CTDSPL2: variants seen among roughly 807,000 people sequenced by gnomAD.
CTDSPL2 encodes the protein CTD small phosphatase like 2.
Under a neutral mutation model 60.0 loss-of-function variants are expected in CTDSPL2, and 5 were observed. The ratio of observed to expected loss-of-function variants is 0.08; its 90% CI spans 0.04 to 0.18. The LOEUF (loss-of-function observed/expected upper bound fraction) is 0.18, where lower values mean the gene tolerates loss of function less well. Ranked by LOEUF, CTDSPL2 falls within the 10% of genes least tolerant of loss-of-function variation. The pLI, the probability that CTDSPL2 is intolerant of heterozygous loss-of-function variation, is 1.00. For synonymous variants in CTDSPL2, 186 were observed against 189.3 expected, an observed-to-expected ratio of 0.98 and a Z score of 0.14; for missense variants, 370 against 548.8, an observed-to-expected ratio of 0.67 and a Z score of 3.26.
At chr15:44,509,674 C>T (rs1044307946) in intron 8 of CTDSPL2, among the ~76,000 whole-genome samples, 8 of 151,688 alleles carry the variant, frequency 5.3e-5, no homozygotes, top group African/African-American at 1.9e-4. Context: ...TGGCTGGGTG[C>T]GGTGGCTCAT....
chr15:44,489,873 T>C (rs1186673510), intron 4 of CTDSPL2, among the ~76,000 whole-genome samples: 1 of 152,142 alleles, frequency 6.6e-6, no homozygotes, highest in Non-Finnish European at 1.5e-5. Context: ...TTTTGCACAT[T>C]AGTGGAAAAC....
chr15:44,507,713 A>T (rs1295980597), intron 8 of CTDSPL2, among the ~76,000 whole-genome samples: 1 of 152,242 alleles, frequency 6.6e-6, no homozygotes, highest in East Asian at 1.9e-4. Context: ...CTCTTCCAAA[A>T]GTATAGATTT....
chr15:44,431,145 G>T (rs2079849046), intron 1 of CTDSPL2, among the ~76,000 whole-genome samples: 1 of 149,104 alleles, frequency 6.7e-6, no homozygotes, highest in African/African-American at 2.5e-5. Context: ...TTTTTTAATG[G>T]AGACGGGGTC....
At chr15:44,519,363 G>C in intron 11 of CTDSPL2, 68 bp downstream of exon 11, 1 of 1,224,840 alleles carries the variant, frequency 8.2e-7, no homozygotes, top group Non-Finnish European at 1.1e-6. Flanking sequence ...CTGCCAAACA[G>C]AATATGATGG....
chr15:44,525,761 T>A lies in CTDSPL2; in HGVS notation c.*1587T>A. Reference sequence around the variant, plus strand: ...TTTAGGAAAACATTTAATTTTTGTATTTTTGATTTTAAAGGCATGAGTTAT... The same window carrying A: ...TTTAGGAAAACATTTAATTTTTGTAATTTTGATTTTAAAGGCATGAGTTAT... On this transcript the variant is annotated 3_prime_UTR_variant, in exon 13 of 13. Transcript: ENST00000260327. 1 of 293,350 alleles carries A rather than the reference T, an allele frequency of 3.4e-6. No homozygotes were observed. Among genetic ancestry groups the A allele is most frequent in the Non-Finnish European group, 6.2e-6 (1 of 160,464 alleles). 18.2% of individuals were successfully genotyped at this position (293,350 alleles called of 1,614,324 possible).
chr15:44,524,075 A>G (rs1219402948), intron 12 of CTDSPL2, 34 bp from the exon 13 acceptor site: 2 of 1,542,052 alleles, frequency 1.3e-6, no homozygotes, highest in South Asian at 2.2e-5. Context: ...TTGAAATTTT[A>G]TGCCTTTTTA....
At chr15:44,509,293 C>T (rs959794116) in intron 8 of CTDSPL2, among the ~76,000 whole-genome samples, 2 of 152,110 alleles carry the variant, frequency 1.3e-5, no homozygotes, top group African/African-American at 2.4e-5. Context: ...CCTCCACCTT[C>T]GCTGTTCCAG....
At chr15:44,515,913 C>T (rs559180568) in intron 10 of CTDSPL2, among the ~76,000 whole-genome samples, 3 of 150,840 alleles carry the variant, frequency 2.0e-5, no homozygotes, top group East Asian at 2.0e-4. Context: ...TTGGTTGGTT[C>T]GTTCGTTCTT....
intron 8 of CTDSPL2, among the ~76,000 whole-genome samples, chr15:44,503,021 A>T (rs1045302247): frequency 1.3e-5 from 2 of 151,280 alleles, no homozygotes; most frequent in African/African-American, 2.4e-5. Context: ...CTAGGGGATT[A>T]AAAAAAAACC....
chr15:44,433,761 C>G (rs1365830994), intron 1 of CTDSPL2, among the ~76,000 whole-genome samples: 1 of 151,554 alleles, frequency 6.6e-6, no homozygotes, highest in Admixed American at 6.6e-5. Flanking sequence ...ACCAGCCTGA[C>G]CAACATGGTA....
intron 2 of CTDSPL2, among the ~76,000 whole-genome samples, chr15:44,473,828 C>A (rs1308571258): frequency 6.6e-6 from 1 of 152,210 alleles, no homozygotes. Context: ...TGCTCACATT[C>A]TTACCAGTAT....
At position 44,497,161 on chromosome 15, in the gene CTDSPL2, T is replaced by C. The variant is rs185403047; in HGVS notation, c.882+23T>C. The C allele has an allele frequency of 1.0e-4, 136 of 1,336,676 alleles. No individual in the cohort carries two copies. The African/African-American group carries it at 1.7e-3, about 17-fold the overall frequency. 82.8% of individuals were successfully genotyped at this position (1,336,676 alleles called of 1,614,324 possible). A position where few individuals can be genotyped will look rare whatever the true frequency, so the allele number is the denominator to read the frequency against. ...TTGGTAAGTATATTATCTGTAGAGGTAGAGAGAATAAAGGGGTGAAATTCT... is the reference window on the plus strand; with the variant it reads ...TTGGTAAGTATATTATCTGTAGAGGCAGAGAGAATAAAGGGGTGAAATTCT... On this transcript the variant is annotated intron_variant, in intron 7 of 12. Transcript: ENST00000260327.
Position 44,525,398 on chromosome 15 carries a change from T to G in CTDSPL2, c.*1224T>G, listed in dbSNP as rs2081856480. On this transcript the variant is annotated 3_prime_UTR_variant, in exon 13 of 13. Transcript: ENST00000260327. ...TGCAGCTACCACAAGAGGTTGATAT[T>G]TTTATAGTGGCGTGTAATCTCCTTT... 5.0e-6 allele frequency: 2 copies of G among 398,910 alleles called. No individual in the cohort carries two copies. Among genetic ancestry groups the G allele is most frequent in the African/African-American group, 4.1e-5 (2 of 48,752 alleles). The allele number at this position is 398,910 out of a possible 1,614,324, so 24.7% of individuals were successfully genotyped here.
intron 1 of CTDSPL2, among the ~76,000 whole-genome samples, chr15:44,440,969 A>G (rs1034120195): frequency 3.9e-5 from 6 of 152,130 alleles, no homozygotes; most frequent in Non-Finnish European, 8.8e-5. Flanking sequence ...GGTAGTTGGC[A>G]TGTGGGAAGG....
intron 1 of CTDSPL2, among the ~76,000 whole-genome samples, chr15:44,429,154 A>G (rs541815179): frequency 6.6e-6 from 1 of 152,364 alleles, no homozygotes; most frequent in Non-Finnish European, 1.5e-5. Flanking sequence ...ACAGGAACAC[A>G]CAAACATTAT....
intron 2 of CTDSPL2, among the ~76,000 whole-genome samples, chr15:44,461,281 T>G (rs1166978244): frequency 1.3e-5 from 2 of 152,186 alleles, no homozygotes; most frequent in African/African-American, 4.8e-5. Context: ...ACATACAACT[T>G]TTGACTCTCC....
intron 1 of CTDSPL2, among the ~76,000 whole-genome samples, chr15:44,431,717 T>G (rs1282481297): frequency 1.6e-5 from 2 of 127,568 alleles, no homozygotes; most frequent in Admixed American, 7.5e-5. Context: ...TGTTTGTTTG[T>G]TTTTTTTTTT....
At chr15:44,505,911 T>A (rs1490417411) in intron 8 of CTDSPL2, among the ~76,000 whole-genome samples, 2 of 152,106 alleles carry the variant, frequency 1.3e-5, no homozygotes, top group Non-Finnish European at 2.9e-5. Context: ...TGGCCATTGT[T>A]TTGACTAAAC....
At chr15:44,499,345 C>T (rs915075588) in intron 7 of CTDSPL2, among the ~76,000 whole-genome samples, 2 of 152,052 alleles carry the variant, frequency 1.3e-5, no homozygotes, top group Non-Finnish European at 2.9e-5. Flanking sequence ...GTGGAGGTTG[C>T]GGTGAGCTGA....
Sources: gnomAD v4.1 joint callset for allele counts (sites outside exome capture counted in the v4.1 genomes callset) on GRCh38, gnomAD v4.1.1 for gene constraint, MANE v1.5 for transcripts, NCBI Gene and HGNC (gene_info 2026-07-23, HGNC 2026-07-21) for gene names.